CACNA2D2: variants seen among roughly 807,000 people sequenced by gnomAD.
The protein encoded by CACNA2D2 is calcium voltage-gated channel auxiliary subunit alpha2delta 2.
In CACNA2D2, 48 loss-of-function variants were observed where a neutral mutation model predicts 166.4. That is an observed-to-expected ratio of 0.29 (90% confidence interval 0.23 to 0.37). CACNA2D2 has a LOEUF of 0.37. CACNA2D2 is among the 10% of genes least tolerant of loss of function. CACNA2D2 has a pLI of 1.00. For synonymous variants in CACNA2D2, 561 were observed against 573.7 expected, an observed-to-expected ratio of 0.98 and a Z score of 0.32; for missense variants, 1,122 against 1,433.0, an observed-to-expected ratio of 0.78 and a Z score of 3.50.
rs569543350 is a variant in CACNA2D2, at chr3:50,503,264, G to A, written c.160C>T (p.Leu54Phe). 6,065 of 1,189,574 alleles carry A rather than the reference G, an allele frequency of 5.1e-3. 240 individuals are homozygous for A. The African/African-American group carries it at 0.082, about 16-fold the overall frequency. The allele number at this position is 1,189,574 out of a possible 1,614,324, so 73.7% of individuals were successfully genotyped here. Reference sequence around the variant, plus strand: ...TAGGCAGAGGCGCCGGGGGCGGCGAGCAGCGGTAGAAGCGGCAGCAGCAGC... The same window carrying A: ...TAGGCAGAGGCGCCGGGGGCGGCGAACAGCGGTAGAAGCGGCAGCAGCAGC... ...LWLLLPLLPL[L>F]AAPGASAYSF... is the part of the protein sequence containing the mutation. The change falls in exon 1 of 38, where the codon CTC becomes TTC. Residue 54 changes from leucine to phenylalanine, a missense_variant. Coordinates refer to ENST00000424201, the MANE Select transcript of CACNA2D2 (RefSeq NM_006030.4).
chr3:50,444,249 A>C (rs1708738794), intron 2 of CACNA2D2, among the ~76,000 whole-genome samples: 1 of 152,218 alleles, frequency 6.6e-6, no homozygotes, highest in African/African-American at 2.4e-5. Context: ...GGAGGTGGTC[A>C]GCAGCTGGCT....
At chr3:50,471,067 C>T (rs7642779) in intron 2 of CACNA2D2, among the ~76,000 whole-genome samples, 14,852 of 152,206 alleles carry the variant, frequency 0.098, 2,111 homozygotes, top group African/African-American at 0.31. Context: ...CGCTTCCCCA[C>T]TGCCCCCCAC....
rs980021512 is a variant in CACNA2D2 at position 50,432,283 on chromosome 3, C to T, written c.405+2030G>A. Reference sequence around the variant, plus strand: ...GCAGGAGGCTGGGCCCTGGGCTCCACGCATGGAGGGTGGGTCAGGCGTCTT... The same window carrying T: ...GCAGGAGGCTGGGCCCTGGGCTCCATGCATGGAGGGTGGGTCAGGCGTCTT... On this transcript the variant is annotated intron_variant, in intron 3 of 37. Transcript: ENST00000424201. 2.6e-5 allele frequency among the ~76,000 whole-genome samples: 4 copies of T among 152,196 alleles called. 1 individual carries two copies. Among genetic ancestry groups the T allele is most frequent in the African/African-American group, 4.8e-5 (2 of 41,446 alleles).
At chr3:50,371,834 G>T (rs1704669509) in intron 22 of CACNA2D2, among the ~76,000 whole-genome samples, 1 of 152,046 alleles carries the variant, frequency 6.6e-6, no homozygotes, top group African/African-American at 2.4e-5. Flanking sequence ...TGTTGTCATT[G>T]TTACTAGGGC....
At chr3:50,399,524 C>A (rs1706337826) in intron 3 of CACNA2D2, among the ~76,000 whole-genome samples, 1 of 152,084 alleles carries the variant, frequency 6.6e-6, no homozygotes, top group Non-Finnish European at 1.5e-5. Context: ...TTGCCGAGGG[C>A]TGCAAGGAAG....
chr3:50,500,733 G>C (rs1265046807), intron 1 of CACNA2D2, among the ~76,000 whole-genome samples: 1 of 151,032 alleles, frequency 6.6e-6, no homozygotes, highest in Non-Finnish European at 1.5e-5. Context: ...GTCCAGGTAA[G>C]GTGAGACAGC....
chr3:50,366,636 G>A lies in CACNA2D2; in HGVS notation c.2590-11C>T. Reference sequence around the variant, plus strand: ...GCTGTTGGGGCCGCACTGCTGGGCAGAGAGTGAGGACCGTAAGCCACCCAC... The same window carrying A: ...GCTGTTGGGGCCGCACTGCTGGGCAAAGAGTGAGGACCGTAAGCCACCCAC... On this transcript the variant is annotated splice_polypyrimidine_tract_variant and intron_variant, in intron 29 of 37. Coordinates refer to ENST00000424201, the MANE Select transcript of CACNA2D2 (RefSeq NM_006030.4). The surrounding 1 kb of genome is among the most constrained non-coding windows in gnomAD (Gnocchi z 5.9). The A allele has an allele frequency of 6.2e-7, 1 of 1,612,946 alleles. No homozygotes were observed.
intron 2 of CACNA2D2, among the ~76,000 whole-genome samples, chr3:50,444,227 C>CAAGGGCACCCTGG (rs1476852951): frequency 6.6e-6 from 1 of 152,174 alleles, no homozygotes; most frequent in African/African-American, 2.4e-5. Context: ...ATGACTGTAA[C>CAAGGGCACCCTGG]AAGGGCACCC....
intron 4 of CACNA2D2, among the ~76,000 whole-genome samples, chr3:50,393,173 C>A (rs139060453): frequency 1.3e-5 from 2 of 152,298 alleles, no homozygotes; most frequent in Non-Finnish European, 2.9e-5. Context: ...GTTTTCTTGT[C>A]AAATAGGGAC....
chr3:50,422,693 G>A (rs1707629866), intron 3 of CACNA2D2, among the ~76,000 whole-genome samples: 1 of 152,226 alleles, frequency 6.6e-6, no homozygotes, highest in South Asian at 2.1e-4. Flanking sequence ...TACAGATGGG[G>A]AAACTGGGGA....
chr3:50,480,909 G>GGAAGT (rs1698023286), intron 1 of CACNA2D2, among the ~76,000 whole-genome samples: 1 of 2,924 alleles, frequency 3.4e-4, no homozygotes, highest in Non-Finnish European at 1.6e-3. Context: ...GGGGAGGAAA[G>GGAAGT]GGGAGGAAGG....
At chr3:50,464,555 C>G (rs1426824744) in intron 2 of CACNA2D2, among the ~76,000 whole-genome samples, 1 of 152,182 alleles carries the variant, frequency 6.6e-6, no homozygotes. Context: ...GAAGCCACAG[C>G]CCACATAAAA....
In CACNA2D2 at chr3:50,382,267, C is replaced by A. The variant is rs2106677556; in HGVS notation, c.653-1141G>T. Among the ~76,000 whole-genome samples, 2 of 152,328 alleles carry A rather than the reference C, an allele frequency of 1.3e-5. 1 individual carries two copies. Among genetic ancestry groups the A allele is most frequent in the South Asian group, 4.1e-4 (2 of 4,826 alleles). On this transcript the variant is annotated intron_variant, in intron 6 of 37. Coordinates refer to ENST00000424201, the MANE Select transcript of CACNA2D2 (RefSeq NM_006030.4). The stretch of plus-strand genomic sequence containing the variant: ...TTCCTCCTTCAGGGACCCCCACCCT[C>A]TTTCTTCCCATGTGGAGCCCAGCCA...
At chr3:50,468,831 T>TTC (rs1235443137) in intron 2 of CACNA2D2, among the ~76,000 whole-genome samples, 1 of 142,788 alleles carries the variant, frequency 7.0e-6, no homozygotes, top group East Asian at 2.2e-4. Flanking sequence ...TTCTCTCTCT[T>TTC]TTTTTTTTTT....
chr3:50,434,457 G>C, intron 2 of CACNA2D2, 28 bp from the exon 3 acceptor site: 1 of 1,563,254 alleles, frequency 6.4e-7, no homozygotes, highest in Non-Finnish European at 8.8e-7. Context: ...CCAGGGGTGA[G>C]ACCAGGTGGT....
In CACNA2D2 at chr3:50,367,134, G is replaced by T. The variant is rs765952897; in HGVS notation, c.2402-25C>A. 1 of 1,579,450 alleles carries T rather than the reference G, an allele frequency of 6.3e-7. No homozygotes were observed. The highest frequency in any genetic ancestry group is 8.7e-7 in the Non-Finnish European group (1 of 1,150,894). On this transcript the variant is annotated intron_variant, in intron 27 of 37. Coordinates refer to ENST00000424201, the MANE Select transcript of CACNA2D2 (RefSeq NM_006030.4). The surrounding 1 kb of genome is among the most constrained non-coding windows in gnomAD (Gnocchi z 6.5). Reference sequence around the variant, plus strand: ...GCTGGGGGTTGGGTGGGGAAGTCAGGAGTGGGGTCTGGCGGCCACACTGAC... The same window carrying T: ...GCTGGGGGTTGGGTGGGGAAGTCAGTAGTGGGGTCTGGCGGCCACACTGAC...
intron 2 of CACNA2D2, among the ~76,000 whole-genome samples, chr3:50,443,058 C>A (rs1708677102): frequency 6.6e-6 from 1 of 152,176 alleles, no homozygotes; most frequent in African/African-American, 2.4e-5. Context: ...CCTGTTTGCT[C>A]CCCCTCCCTG....
intron 1 of CACNA2D2, among the ~76,000 whole-genome samples, chr3:50,502,723 G>A (rs1196683506): frequency 1.3e-5 from 2 of 152,232 alleles, no homozygotes. Flanking sequence ...TCAGCATACA[G>A]CTCCCCACTA....
intron 1 of CACNA2D2, among the ~76,000 whole-genome samples, chr3:50,498,735 T>G (rs1035344576): frequency 6.6e-6 from 1 of 152,200 alleles, no homozygotes; most frequent in African/African-American, 2.4e-5. Flanking sequence ...AAGTTACAGC[T>G]GGAAGTCCCA....
Sources: allele counts gnomAD v4.1 joint callset (sites outside exome capture counted in the v4.1 genomes callset), GRCh38; gene constraint gnomAD v4.1.1; non-coding constraint Gnocchi (gnomAD v3.1); transcripts MANE v1.5; gene names NCBI Gene and HGNC (gene_info 2026-07-23, HGNC 2026-07-21).